Variants in MAGEA11 observed in about 807,000 individuals in gnomAD.
MAGEA11 encodes the protein MAGE family member A11.
In MAGEA11, 1 loss-of-function variant was observed where a neutral mutation model predicts 8.4. That is an observed-to-expected ratio of 0.12 (90% CI 0.04 to 0.57). The LOEUF (loss-of-function observed/expected upper bound fraction) is 0.57. Among genes scored for constraint, MAGEA11 ranks in the 20% least tolerant of loss-of-function variants. The pLI is 0.91. For synonymous variants in MAGEA11, 127 were observed against 119.3 expected, an observed-to-expected ratio of 1.06 and a Z score of -0.42; for missense variants, 209 against 317.3, an observed-to-expected ratio of 0.66 and a Z score of 2.59.
chrX:149,708,988 T>C (rs2090388250), upstream of MAGEA11, among the ~76,000 whole-genome samples: 1 of 61,935 alleles, frequency 1.6e-5, no homozygotes, highest in Non-Finnish European at 4.3e-5. Flanking sequence ...AACTATATTT[T>C]ATAAAAAAAA....
chrX:149,713,096 C>G, intron 1 of MAGEA11, 47 bp from the exon 2 acceptor site: 5 of 873,186 alleles, frequency 5.7e-6, no homozygotes, highest in Non-Finnish European at 8.4e-6. Context: ...CAGAACAGCC[C>G]CCCCCCATAG....
At chrX:149,698,643 T>C (rs1290654058) in intron 1 of MAGEA11, among the ~76,000 whole-genome samples, 1 of 111,867 alleles carries the variant, frequency 8.9e-6, no homozygotes, top group Admixed American at 9.5e-5. Context: ...TATATTTCTT[T>C]GTTCCAGGCT....
chrX:149,711,769 CAG>C, upstream of MAGEA11: 12 of 745,046 alleles, frequency 1.6e-5, no homozygotes, highest in Non-Finnish European at 1.7e-5. Context: ...TCAGGGGACT[CAG>C]AGTCAGAGAC....
rs142428718 is a variant in MAGEA11, at chrX:149,693,121, C to G, written c.9+4137C>G. On this transcript the variant is annotated intron_variant, in intron 1 of 3. Coordinates refer to the MAGEA11 transcript ENST00000333104. ...AATGTAGTCAGCAGTTAGGTCATTTCTGAGTCCAGGTCTGTTTATTGCTTT... is the reference window on the plus strand; with the variant it reads ...AATGTAGTCAGCAGTTAGGTCATTTGTGAGTCCAGGTCTGTTTATTGCTTT... 4.7e-3 allele frequency among the ~76,000 whole-genome samples: 524 copies of G among 112,420 alleles called. 28 individuals are homozygous for G. In the East Asian group the frequency reaches 0.13, roughly 28 times the overall value.
At chrX:149,702,756 A>G (rs782143038) in intron 1 of MAGEA11, among the ~76,000 whole-genome samples, 1 of 110,800 alleles carries the variant, frequency 9.0e-6, no homozygotes, top group African/African-American at 3.3e-5. Flanking sequence ...CCTTCTTTAT[A>G]TTTTCAATGC....
intron 1 of MAGEA11, among the ~76,000 whole-genome samples, chrX:149,693,139 A>G (rs1223108711): frequency 3.6e-5 from 4 of 112,244 alleles, no homozygotes; most frequent in South Asian, 3.7e-4. Flanking sequence ...AGGTCTGTTT[A>G]TTGCTTTTCT....
At chrX:149,694,881 C>A (rs2090324632) in intron 1 of MAGEA11, among the ~76,000 whole-genome samples, 1 of 110,458 alleles carries the variant, frequency 9.1e-6, no homozygotes, top group Admixed American at 9.7e-5. Flanking sequence ...GTCATCACAC[C>A]CGGCTACCTT....
chrX:149,710,386 G>A (rs782421596), upstream of MAGEA11, among the ~76,000 whole-genome samples: 4 of 112,154 alleles, frequency 3.6e-5, no homozygotes, highest in Non-Finnish European at 7.5e-5. Context: ...ATTGACAGAC[G>A]TAATTCCTTA....
upstream of MAGEA11, among the ~76,000 whole-genome samples, chrX:149,708,980 C>T (rs1187199377): frequency 1.2e-5 from 1 of 82,668 alleles, no homozygotes; most frequent in Admixed American, 1.4e-4. Flanking sequence ...GTGAAATGAA[C>T]TATATTTTAT....
chrX:149,712,525 T>A (rs1267876645), intron 1 of MAGEA11, among the ~76,000 whole-genome samples: 2 of 110,342 alleles, frequency 1.8e-5, no homozygotes, highest in African/African-American at 6.6e-5. Context: ...CAGAGAGAAG[T>A]GATAGCCCGG....
At chrX:149,692,406 C>CAA (rs375482933) in intron 1 of MAGEA11, among the ~76,000 whole-genome samples, 14 of 94,898 alleles carry the variant, frequency 1.5e-4, no homozygotes, top group African/African-American at 5.0e-4. Flanking sequence ...GACCCTGTCT[C>CAA]AAAAAAAAAA....
chrX:149,696,484 G>A (rs1386540011), intron 1 of MAGEA11, among the ~76,000 whole-genome samples: 1 of 111,123 alleles, frequency 9.0e-6, no homozygotes, highest in Non-Finnish European at 1.9e-5. Flanking sequence ...GTTGGTTGGG[G>A]GTGCTGGTCT....
intron 1 of MAGEA11, among the ~76,000 whole-genome samples, chrX:149,697,266 C>A (rs1202848344): frequency 9.0e-6 from 1 of 111,266 alleles, no homozygotes; most frequent in African/African-American, 3.3e-5. Flanking sequence ...AATTTCACAA[C>A]CATCCCTTCA....
At chrX:149,715,728 G>T (rs1183176311) in intron 4 of MAGEA11, 25 bp from the exon 5 acceptor site, 14 of 1,199,281 alleles carry the variant, frequency 1.2e-5, no homozygotes, top group African/African-American at 1.8e-5. Context: ...ATCTGAGTCT[G>T]TTCTCACGCT....
At chrX:149,715,186 G>A (rs2090420871) in intron 3 of MAGEA11, among the ~76,000 whole-genome samples, 1 of 111,537 alleles carries the variant, frequency 9.0e-6, no homozygotes, top group Non-Finnish European at 1.9e-5. Flanking sequence ...CAGGAGAGCT[G>A]TGTCTTCCAG....
In MAGEA11 at chrX:149,715,648, A is replaced by G. The variant is rs1557362369; in HGVS notation, c.237A>G (p.Arg79=). 1 of 1,208,645 alleles carries G rather than the reference A, an allele frequency of 8.3e-7. No individual in the cohort carries two copies. The highest frequency in any genetic ancestry group is 1.1e-6 in the Non-Finnish European group (1 of 892,997). Residue 79 remains arginine (R), a synonymous_variant, in exon 4 of 5, where the codon AGA becomes AGG. Coordinates refer to ENST00000355220, the MANE Select transcript of MAGEA11 (RefSeq NM_005366.5). ...QANLEDRSPR[R]TQRITGGEQV... ...ACCTGGAGGACAGGAGTCCCAGGAGAACCCAGAGGATCACTGGAGGAGAAC... is the reference window on the plus strand; with the variant it reads ...ACCTGGAGGACAGGAGTCCCAGGAGGACCCAGAGGATCACTGGAGGAGAAC...
At chrX:149,691,243 T>G (rs2090309121) in intron 1 of MAGEA11, among the ~76,000 whole-genome samples, 2 of 111,475 alleles carry the variant, frequency 1.8e-5, no homozygotes, top group Admixed American at 9.6e-5. Flanking sequence ...CTCAAGTATT[T>G]TTTTATCCCT....
At chrX:149,709,508 A>G (rs1386227034), upstream of MAGEA11, among the ~76,000 whole-genome samples, 1 of 111,717 alleles carries the variant, frequency 9.0e-6, no homozygotes, top group African/African-American at 3.3e-5. Flanking sequence ...ATTTTCTGAG[A>G]CTAGTGTTCT....
chrX:149,714,714 T>C, intron 3 of MAGEA11, 138 bp downstream of exon 3: 1 of 1,021,526 alleles, frequency 9.8e-7, no homozygotes, highest in Non-Finnish European at 1.3e-6. Context: ...TATACTGGGA[T>C]CATTGGTCTC....
Sources: allele counts gnomAD v4.1 joint callset (sites outside exome capture counted in the v4.1 genomes callset), GRCh38; gene constraint gnomAD v4.1.1; transcripts MANE v1.5; gene names NCBI Gene and HGNC (gene_info 2026-07-23, HGNC 2026-07-21).